SNRPN: variants seen among roughly 807,000 people sequenced by gnomAD.
SNRPN encodes small nuclear ribonucleoprotein polypeptide N.
SNRPN carries 7 observed loss-of-function variants against 25.2 expected under a neutral mutation model. The observed-to-expected ratio is 0.28, with a 90% confidence interval of 0.16 to 0.52. The LOEUF is 0.52. Among genes scored for constraint, SNRPN ranks in the 20% least tolerant of loss-of-function variants. The pLI is 0.96. For synonymous variants in SNRPN, 124 were observed against 110.6 expected (o/e 1.12, Z -0.76); for missense variants, 196 against 322.5 (o/e 0.61, Z 3.00).
At chr15:24,853,483 TC>T (rs1264401682), upstream of SNRPN, among the ~76,000 whole-genome samples, 2 of 151,884 alleles carry the variant, frequency 1.3e-5, no homozygotes, top group African/African-American at 4.8e-5. Context: ...AAGCTCCGCC[TC>T]CCAGGTTCAC....
intron 1 of SNRPN, among the ~76,000 whole-genome samples, chr15:24,885,647 G>A (rs1255846203): frequency 6.6e-6 from 1 of 151,608 alleles, no homozygotes; most frequent in African/African-American, 2.4e-5. Flanking sequence ...AACCAAAGAG[G>A]GACAGGCAAG....
chr15:24,854,066 A>C (rs191189387), upstream of SNRPN, among the ~76,000 whole-genome samples: 3 of 150,650 alleles, frequency 2.0e-5, no homozygotes, highest in African/African-American at 7.3e-5. Flanking sequence ...TTACACTTAC[A>C]TTTTACTAGT....
intron 4 of SNRPN, chr15:24,974,704 C>T: frequency 1.6e-6 from 1 of 609,930 alleles, no homozygotes; most frequent in South Asian, 2.0e-5. Context: ...CACTGCAACC[C>T]TGGGTTCAAG....
intron 2 of SNRPN, among the ~76,000 whole-genome samples, chr15:24,841,141 T>C (rs536762547): frequency 6.6e-6 from 1 of 152,270 alleles, no homozygotes; most frequent in Non-Finnish European, 1.5e-5. Context: ...GGCCAGCCGG[T>C]TGTCACATTT....
chr15:24,917,507 G>T (rs2059603527), intron 2 of SNRPN, among the ~76,000 whole-genome samples: 1 of 152,200 alleles, frequency 6.6e-6, no homozygotes, highest in Non-Finnish European at 1.5e-5. Flanking sequence ...TTCCATGCCT[G>T]CCACCTGGTG....
rs1436952869 is a variant in SNRPN, at chr15:24,885,718, G to GTGTGTGTGTGTGTA, written c.-578-785_-578-784insATGTGTGTGTGTGT. 2.6e-3 allele frequency among the ~76,000 whole-genome samples: 299 copies of GTGTGTGTGTGTGTA among 114,122 alleles called. 3 individuals carry two copies. Among genetic ancestry groups the GTGTGTGTGTGTGTA allele is most frequent in the African/African-American group, 0.012 (286 of 23,788 alleles). The allele number at this position is 114,122 out of a possible 152,430, so 74.9% of individuals were successfully genotyped here. ...ATTTTCCAGGAAGGAATCTGGGGCT[G>GTGTGTGTGTGTGTA]TGTGTGTGTGTGTGTGTGTGTGTGT... is the stretch of plus-strand genomic sequence containing the variant. On this transcript the variant is annotated intron_variant, in intron 1 of 11. Transcript: ENST00000400097.
chr15:24,974,190 G>A, intron 3 of SNRPN, 121 bp from the exon 4 acceptor site: 1 of 494,958 alleles, frequency 2.0e-6, no homozygotes, highest in South Asian at 2.5e-5. Flanking sequence ...TGGTGAGGAA[G>A]CTAGTATGAG....
chr15:24,855,113 C>T (rs2053266431), upstream of SNRPN, among the ~76,000 whole-genome samples: 1 of 152,194 alleles, frequency 6.6e-6, no homozygotes, highest in Admixed American at 6.5e-5. Flanking sequence ...TATTTTACAG[C>T]CAAATACATA....
intron 2 of SNRPN, among the ~76,000 whole-genome samples, chr15:24,896,562 A>C (rs2058092084): frequency 6.6e-6 from 1 of 151,944 alleles, no homozygotes; most frequent in African/African-American, 2.4e-5. Context: ...AAATACAAAA[A>C]AACTAGCTAG....
intron 3 of SNRPN, among the ~76,000 whole-genome samples, chr15:24,930,409 A>G (rs1419041314): frequency 2.0e-5 from 3 of 151,698 alleles, no homozygotes; most frequent in Non-Finnish European, 4.4e-5. Context: ...TTCTCAGAAT[A>G]TAGATTATTG....
At chr15:24,942,414 C>T (rs1205421531) in intron 3 of SNRPN, 1 of 152,170 alleles carries the variant, frequency 6.6e-6, no homozygotes, top group African/African-American at 2.4e-5. Flanking sequence ...TTCAAAAGGC[C>T]TTTCCACCAT....
intron 3 of SNRPN, among the ~76,000 whole-genome samples, chr15:24,933,065 C>T (rs1014164878): frequency 2.0e-5 from 3 of 152,054 alleles, no homozygotes; most frequent in African/African-American, 7.2e-5. Flanking sequence ...AGTTTGAGAC[C>T]AGCCTGGGCA....
At position 24,827,993 on chromosome 15, in the gene SNRPN, C is replaced by T. The variant is rs543859420; in HGVS notation, c.-686-1805C>T. Among the ~76,000 whole-genome samples the T allele has an allele frequency of 3.0e-4, 46 of 152,142 alleles. No homozygotes were observed. The South Asian group carries it at 8.7e-3, about 29-fold the overall frequency. ...CAACGTGCATATTGTCTGTTGTTGA[C>T]CAAAACGGCCCTTATGTGGTACATG... is the stretch of plus-strand genomic sequence containing the variant. On this transcript the variant is annotated intron_variant, in intron 1 of 12. Coordinates refer to the SNRPN transcript ENST00000400100.
intron 2 of SNRPN, among the ~76,000 whole-genome samples, chr15:24,903,633 A>G (rs2058606221): frequency 6.6e-6 from 1 of 152,214 alleles, no homozygotes; most frequent in Admixed American, 6.5e-5. Context: ...ACCATCCGGT[A>G]TCAAGAAAAT....
At chr15:24,844,660 G>A (rs974419306) in intron 2 of SNRPN, among the ~76,000 whole-genome samples, 3 of 152,040 alleles carry the variant, frequency 2.0e-5, no homozygotes, top group Admixed American at 1.3e-4. Flanking sequence ...GAGTAGCTGG[G>A]ATTACAGGCA....
At chr15:24,896,530 G>A (rs532047880) in intron 2 of SNRPN, among the ~76,000 whole-genome samples, 4 of 152,004 alleles carry the variant, frequency 2.6e-5, no homozygotes, top group South Asian at 4.1e-4. Context: ...CGGCTAACAC[G>A]GTGAAACCTC....
chr15:24,893,282 C>T (rs1277325601), intron 2 of SNRPN, among the ~76,000 whole-genome samples: 1 of 151,602 alleles, frequency 6.6e-6, no homozygotes, highest in Admixed American at 6.6e-5. Context: ...CTGTAACTAT[C>T]AGCTTCCCAT....
chr15:24,874,376 G>A (rs980537821), intron 1 of SNRPN, among the ~76,000 whole-genome samples: 6 of 150,048 alleles, frequency 4.0e-5, no homozygotes, highest in African/African-American at 1.5e-4. Context: ...TCAATCTGGA[G>A]TAGGAGTGAC....
At chr15:24,937,578 A>T (rs2061314609) in intron 3 of SNRPN, among the ~76,000 whole-genome samples, 1 of 152,158 alleles carries the variant, frequency 6.6e-6, no homozygotes, top group Non-Finnish European at 1.5e-5. Flanking sequence ...ATGTGAATCT[A>T]GTGTATTTGC....
Sources: gnomAD v4.1 joint callset for allele counts (sites outside exome capture counted in the v4.1 genomes callset) on GRCh38, gnomAD v4.1.1 for gene constraint, MANE v1.5 for transcripts, NCBI Gene and HGNC (gene_info 2026-07-23, HGNC 2026-07-21) for gene names.